The following CTBP2 variants were observed in gnomAD, a reference collection of about 807,000 sequenced individuals.
CTBP2 encodes C-terminal-binding protein 2.
A neutral mutation model predicts 80.3 loss-of-function variants in CTBP2; 30 were observed. The observed-to-expected ratio is 0.37, with a 90% confidence interval of 0.28 to 0.51. The LOEUF is 0.51. CTBP2 is among the 20% of genes least tolerant of loss of function. The probability of loss-of-function intolerance (pLI) is 0.93; values close to 1 mark genes in which losing one functional copy is unlikely to be tolerated. For synonymous variants in CTBP2, 594 were observed against 587.4 expected (o/e 1.01, Z -0.16); for missense variants, 1,212 against 1,375.3 (o/e 0.88, Z 1.88).
intron 1 of CTBP2, among the ~76,000 whole-genome samples, chr10:125,116,836 C>T (rs906001478): frequency 6.6e-6 from 1 of 152,210 alleles, no homozygotes; most frequent in African/African-American, 2.4e-5. Flanking sequence ...TCAAGGGCAG[C>T]GGTCAAGGAA....
At chr10:125,040,918 G>T (rs922913844) in intron 2 of CTBP2, among the ~76,000 whole-genome samples, 9 of 152,184 alleles carry the variant, frequency 5.9e-5, no homozygotes, top group African/African-American at 2.2e-4. Context: ...AATAATTAAT[G>T]TAACATCCCT....
intron 2 of CTBP2, among the ~76,000 whole-genome samples, chr10:125,087,447 TTA>T (rs1369235736): frequency 6.6e-6 from 1 of 151,902 alleles, no homozygotes; most frequent in Non-Finnish European, 1.5e-5. Context: ...CCTCCACAGG[TTA>T]TTATAAAGAA....
chr10:125,112,660 C>A (rs1852506635), intron 1 of CTBP2, among the ~76,000 whole-genome samples: 1 of 152,002 alleles, frequency 6.6e-6, no homozygotes, highest in South Asian at 2.1e-4. Context: ...AACTCCTGAC[C>A]TTCTGATCTG....
intron 2 of CTBP2, among the ~76,000 whole-genome samples, chr10:125,075,844 C>T (rs3012070): frequency 0.53 from 80,766 of 152,090 alleles, 23,026 homozygotes; most frequent in African/African-American, 0.77. Context: ...GAGTGGAAAT[C>T]GGTACAACTC....
At chr10:125,035,985 G>A (rs1185743491) in intron 3 of CTBP2, among the ~76,000 whole-genome samples, 1 of 152,088 alleles carries the variant, frequency 6.6e-6, no homozygotes, top group Non-Finnish European at 1.5e-5. Context: ...ATTATAAATA[G>A]CAAACTCAAA....
chr10:125,082,626 C>T (rs189798419), intron 2 of CTBP2, among the ~76,000 whole-genome samples: 5 of 141,610 alleles, frequency 3.5e-5, no homozygotes, highest in African/African-American at 1.3e-4. Flanking sequence ...CTTGCTCTGT[C>T]GCCCAGGCTA....
chr10:125,088,473 C>T (rs1152661), intron 2 of CTBP2, among the ~76,000 whole-genome samples: 97,949 of 152,038 alleles, frequency 0.64, 31,841 homozygotes, highest in Middle Eastern at 0.69. Flanking sequence ...TTCTAATACC[C>T]GCCATGCAAA....
chr10:125,097,416 GGGA>G (rs1341960070), intron 2 of CTBP2, among the ~76,000 whole-genome samples: 1 of 152,204 alleles, frequency 6.6e-6, no homozygotes, highest in Non-Finnish European at 1.5e-5. Flanking sequence ...CAACACTGCA[GGGA>G]ACAGTTACAA....
intron 4 of CTBP2, 198 bp downstream of exon 6, chr10:124,997,766 G>A: frequency 1.7e-6 from 1 of 602,700 alleles, no homozygotes; most frequent in Non-Finnish European, 2.9e-6. Context: ...TCCAGAACCA[G>A]CCCAGATCCT....
At chr10:125,006,788 AG>A (rs1450122514) in intron 1 of CTBP2, among the ~76,000 whole-genome samples, 1 of 152,254 alleles carries the variant, frequency 6.6e-6, no homozygotes, top group African/African-American at 2.4e-5. Flanking sequence ...CCCCAGGCCC[AG>A]TGGGGCAGGA....
intron 1 of CTBP2, among the ~76,000 whole-genome samples, chr10:125,129,614 C>A (rs1855821321): frequency 6.6e-6 from 1 of 152,098 alleles, no homozygotes; most frequent in Non-Finnish European, 1.5e-5. Flanking sequence ...GATGATCAGA[C>A]CCACCTGTCC....
chr10:125,082,722 C>A lies in CTBP2; in HGVS notation c.-102+28268G>T, dbSNP rs559596831. Among the ~76,000 whole-genome samples the A allele has an allele frequency of 1.1e-4, 16 of 151,908 alleles. No individual in the cohort carries two copies. The East Asian group carries it at 2.9e-3, about 28-fold the overall frequency. ...CGTGCCTTAGCCTCCTGAGTAGCTG[C>A]GACCACAGGTGCACGCCACCACACC... On this transcript the variant is annotated intron_variant, in intron 2 of 10. Coordinates refer to the CTBP2 transcript ENST00000337195.
intron 1 of CTBP2, among the ~76,000 whole-genome samples, chr10:125,020,544 CA>C (rs1468894266): frequency 3.9e-5 from 6 of 152,132 alleles, no homozygotes; most frequent in African/African-American, 1.4e-4. Context: ...CAGAGCTGGC[CA>C]AGGTCCCAGC....
chr10:125,089,680 G>A (rs1419780246), intron 2 of CTBP2, among the ~76,000 whole-genome samples: 5 of 152,168 alleles, frequency 3.3e-5, no homozygotes, highest in East Asian at 1.9e-4. Flanking sequence ...TCCAGGAGGC[G>A]GAAGCTGGGC....
At chr10:125,099,707 G>C (rs1340643580) in intron 2 of CTBP2, among the ~76,000 whole-genome samples, 1 of 152,248 alleles carries the variant, frequency 6.6e-6, no homozygotes, top group Non-Finnish European at 1.5e-5. Flanking sequence ...TACCAGGGGA[G>C]GTGGCACCTC....
chr10:125,020,711 C>T (rs956445915), intron 1 of CTBP2, among the ~76,000 whole-genome samples: 12 of 152,178 alleles, frequency 7.9e-5, no homozygotes, highest in Non-Finnish European at 1.3e-4. Flanking sequence ...TCTCCAGATG[C>T]GGCGAGGAGC....
intron 2 of CTBP2, among the ~76,000 whole-genome samples, chr10:125,067,748 G>A (rs776410034): frequency 3.9e-5 from 6 of 152,130 alleles, no homozygotes; most frequent in East Asian, 1.9e-4. Context: ...GTCTGTGCAC[G>A]TAGCCTTTAG....
At chr10:125,070,837 G>C (rs377435033) in intron 2 of CTBP2, among the ~76,000 whole-genome samples, 12 of 151,762 alleles carry the variant, frequency 7.9e-5, no homozygotes, top group Non-Finnish European at 1.2e-4. Context: ...GGCTAATTTT[G>C]TATTTTTAGT....
At position 124,989,664 on chromosome 10, in the gene CTBP2, C is replaced by G. The variant is rs772304305; in HGVS notation, c.2812G>C (p.Gly938Arg). 1.9e-6 allele frequency: 3 copies of G among 1,601,152 alleles called. No individual in the cohort carries two copies. Among genetic ancestry groups the G allele is most frequent in the South Asian group, 2.3e-5 (2 of 88,682 alleles). Residue 938 changes from glycine (G) to arginine (R), a missense_variant, in exon 9 of 9, where the codon GGA becomes CGA. Gly to Arg is a moderately radical substitution (Grantham distance 125). Around this residue, in one of 3 missense-constraint regions of CTBP2, gnomAD observed 335 missense variants for 504.7 expected, o/e 0.66. Coordinates refer to ENST00000309035, the MANE Select transcript of CTBP2 (RefSeq NM_022802.3). ...ATCCCTTCCATGGCTGCAGGAAGTC[C>G]TCCTGGAGCCACACCCACGATGCCT...
Sources: allele counts gnomAD v4.1 joint callset (sites outside exome capture counted in the v4.1 genomes callset), GRCh38; gene constraint gnomAD v4.1.1; regional missense constraint gnomAD v4.1.1; transcripts MANE v1.5; gene names NCBI Gene and HGNC (gene_info 2026-07-23, HGNC 2026-07-21).